The following SLC30A8 variants were observed in gnomAD, a reference collection of about 807,000 sequenced individuals.
SLC30A8 encodes the protein solute carrier family 30 member 8.
Under a neutral mutation model 36.9 loss-of-function variants are expected in SLC30A8, and 27 were observed. The ratio of observed to expected loss-of-function variants is 0.73; its 90% confidence interval spans 0.54 to 1.01. The LOEUF is 1.01. Among genes scored for constraint, SLC30A8 ranks in the 50% least tolerant of loss-of-function variants. SLC30A8 has a pLI of 0.00. For missense variants in SLC30A8, 439 were observed against 452.0 expected, an observed-to-expected ratio of 0.97 and a Z score of 0.26; for synonymous variants, 164 against 172.4, an observed-to-expected ratio of 0.95 and a Z score of 0.38.
At chr8:116,955,584 G>A (rs1423935761) in intron 1 of SLC30A8, among the ~76,000 whole-genome samples, 2 of 151,974 alleles carry the variant, frequency 1.3e-5, no homozygotes, top group Non-Finnish European at 2.9e-5. Flanking sequence ...ATAAAAATTA[G>A]CCAGACGTGA....
In SLC30A8 at chr8:117,138,073, AAAAAAAAG is replaced by A. The variant is rs1344120881; in HGVS notation, c.71+2681_71+2688del. Among the ~76,000 whole-genome samples the A allele has an allele frequency of 2.7e-3, 401 of 150,624 alleles. 3 individuals carry two copies. The highest frequency in any genetic ancestry group is 9.4e-3 in the African/African-American group (385 of 40,912). ...GGTTCATTGTAGCAAAAAAAAAAAAAAAAAAAAGAAAAAGAAAAAAAAAAGTCGTGTAA... is the reference window on the plus strand; with the variant it reads ...GGTTCATTGTAGCAAAAAAAAAAAAAAAAAAGAAAAAAAAAAGTCGTGTAA... On this transcript the variant is annotated intron_variant, in intron 1 of 7. Transcript: ENST00000456015.
intron 5 of SLC30A8, 27 bp from the exon 6 acceptor site, chr8:117,163,398 A>T: frequency 6.4e-7 from 1 of 1,569,320 alleles, no homozygotes; most frequent in Non-Finnish European, 8.7e-7. Context: ...GAATTCAGTT[A>T]ACCAAAATCC....
chr8:117,066,169 AAACAAAG>A (rs1433148999), intron 2 of SLC30A8, among the ~76,000 whole-genome samples: 1 of 152,200 alleles, frequency 6.6e-6, no homozygotes, highest in Admixed American at 6.6e-5. Flanking sequence ...GACCCCAGTC[AAACAAAG>A]ACTGGGCAGT....
At position 117,073,316 on chromosome 8, in the gene SLC30A8, G is replaced by T. The variant is rs554721290; in HGVS notation, c.-226+34058G>T. ...CTGTCACCCAGGCTGGAGTGCAGTG[G>T]TGTGATCTCGGCTCACTGCAACTTC... On this transcript the variant is annotated intron_variant, in intron 2 of 10. Transcript: ENST00000427715. Among the ~76,000 whole-genome samples, 4 of 151,596 alleles carry T rather than the reference G, an allele frequency of 2.6e-5. No individual in the cohort carries two copies. In the South Asian group the frequency reaches 8.3e-4, roughly 32 times the overall value.
intron 2 of SLC30A8, among the ~76,000 whole-genome samples, chr8:117,053,446 G>A (rs1327710857): frequency 6.6e-6 from 1 of 152,130 alleles, no homozygotes; most frequent in East Asian, 1.9e-4. Context: ...TGGTGCAGAC[G>A]GAAAACAGAG....
At chr8:117,019,018 T>C (rs1816620066) in intron 1 of SLC30A8, among the ~76,000 whole-genome samples, 1 of 152,162 alleles carries the variant, frequency 6.6e-6, no homozygotes, top group African/African-American at 2.4e-5. Flanking sequence ...ATTTTTAACA[T>C]GGTTAAATTT....
At chr8:117,068,469 C>T (rs1194667977) in intron 2 of SLC30A8, among the ~76,000 whole-genome samples, 4 of 152,220 alleles carry the variant, frequency 2.6e-5, no homozygotes, top group Non-Finnish European at 4.4e-5. Flanking sequence ...ATCTCATCTG[C>T]TCCACATGCA....
intron 1 of SLC30A8, among the ~76,000 whole-genome samples, chr8:116,991,464 C>G (rs896547006): frequency 1.3e-5 from 2 of 152,070 alleles, no homozygotes; most frequent in East Asian, 3.9e-4. Context: ...GCCACCACAC[C>G]TGGGTCATTT....
intron 1 of SLC30A8, 148 bp downstream of exon 1, chr8:117,135,546 A>C: frequency 2.0e-6 from 1 of 506,436 alleles, no homozygotes; most frequent in East Asian, 2.9e-5. Flanking sequence ...CATGTATTTT[A>C]TATTCTGAAA....
At chr8:117,059,792 G>A (rs1466344875) in intron 2 of SLC30A8, among the ~76,000 whole-genome samples, 4 of 152,192 alleles carry the variant, frequency 2.6e-5, no homozygotes, top group Non-Finnish European at 5.9e-5. Context: ...TTTTATAGCT[G>A]GGGGTGGACA....
intron 6 of SLC30A8, among the ~76,000 whole-genome samples, chr8:117,170,321 C>A (rs181499187): frequency 1.3e-5 from 2 of 152,190 alleles, no homozygotes; most frequent in South Asian, 2.1e-4. Flanking sequence ...AATAAACACC[C>A]CAGGTGTTTG....
intron 2 of SLC30A8, among the ~76,000 whole-genome samples, chr8:117,123,722 T>C (rs1029712022): frequency 1.3e-5 from 2 of 152,034 alleles, no homozygotes; most frequent in African/African-American, 4.8e-5. Flanking sequence ...TTGTACAATA[T>C]CACATTTTAA....
At chr8:116,968,736 TTTTAA>T (rs1814684153) in intron 1 of SLC30A8, among the ~76,000 whole-genome samples, 1 of 152,004 alleles carries the variant, frequency 6.6e-6, no homozygotes, top group Non-Finnish European at 1.5e-5. Context: ...TATTTCTTTT[TTTTAA>T]TTTATTTATT....
At position 116,958,841 on chromosome 8, in the gene SLC30A8, A is replaced by ATTTTTTT. The variant is rs758505118; in HGVS notation, c.-266+7744_-266+7750dup. ...CCTATAGCCCACTGATGCTCTTTTC[A>ATTTTTTT]TTTTTTTTTTTTTTTTTTTTTTTTT... On this transcript the variant is annotated intron_variant, in intron 1 of 10. Transcript: ENST00000427715. Among the ~76,000 whole-genome samples, 74 of 60,032 alleles carry ATTTTTTT rather than the reference A, an allele frequency of 1.2e-3. 10 individuals carry two copies. Among genetic ancestry groups the ATTTTTTT allele is most frequent in the East Asian group, 6.1e-3 (11 of 1,804 alleles). 39.4% of individuals were successfully genotyped at this position (60,032 alleles called of 152,430 possible). A position where few individuals can be genotyped will look rare whatever the true frequency, so the allele number is the denominator to read the frequency against.
chr8:117,130,519 C>T (rs186188485), upstream of SLC30A8, among the ~76,000 whole-genome samples: 1 of 151,616 alleles, frequency 6.6e-6, no homozygotes, highest in Non-Finnish European at 1.5e-5. Context: ...CAAGAGGGCT[C>T]TATTATTATT....
chr8:117,166,294 T>C (rs1823052189), intron 6 of SLC30A8, among the ~76,000 whole-genome samples: 1 of 152,206 alleles, frequency 6.6e-6, no homozygotes, highest in South Asian at 2.1e-4. Flanking sequence ...AAATAAGGTT[T>C]ATTGGAGACC....
intron 3 of SLC30A8, among the ~76,000 whole-genome samples, chr8:117,156,235 G>C (rs1313259521): frequency 6.6e-6 from 1 of 152,006 alleles, no homozygotes; most frequent in Non-Finnish European, 1.5e-5. Flanking sequence ...TAGAGATGGG[G>C]TTTCACCGTG....
At chr8:116,970,682 G>A (rs376501481) in intron 1 of SLC30A8, among the ~76,000 whole-genome samples, 1 of 152,184 alleles carries the variant, frequency 6.6e-6, no homozygotes, top group Middle Eastern at 3.4e-3. Flanking sequence ...TGACCAAAAC[G>A]TCATTATGTG....
intron 1 of SLC30A8, among the ~76,000 whole-genome samples, chr8:117,018,713 C>T (rs776689843): frequency 2.4e-5 from 3 of 127,586 alleles, no homozygotes; most frequent in African/African-American, 5.7e-5. Context: ...GTTGCCCAGG[C>T]TGGAGTGCAG....
Sources: gnomAD v4.1 joint callset for allele counts (sites outside exome capture counted in the v4.1 genomes callset) on GRCh38, gnomAD v4.1.1 for gene constraint, MANE v1.5 for transcripts, NCBI Gene and HGNC (gene_info 2026-07-23, HGNC 2026-07-21) for gene names.